The following PHACTR4 variants were observed in gnomAD, a reference collection of about 807,000 sequenced individuals.
The protein encoded by PHACTR4 is protein phosphatase 1, regulatory subunit 124.
PHACTR4 carries 51 observed loss-of-function variants against 72.7 expected under a neutral mutation model. The observed-to-expected ratio is 0.70, with a 90% CI of 0.56 to 0.89. PHACTR4 has a LOEUF of 0.89. Among genes scored for constraint, PHACTR4 ranks in the 40% least tolerant of loss-of-function variants. The pLI, the probability that PHACTR4 is intolerant of heterozygous loss-of-function variation, is 0.00. For synonymous variants in PHACTR4, 255 were observed against 302.5 expected (o/e 0.84, Z 1.63); for missense variants, 731 against 861.8 (o/e 0.85, Z 1.90).
At chr1:28,403,062 T>C (rs1457025662) in intron 1 of PHACTR4, among the ~76,000 whole-genome samples, 1 of 152,238 alleles carries the variant, frequency 6.6e-6, no homozygotes, top group African/African-American at 2.4e-5. Context: ...AGGTATCAGA[T>C]GGCTGGCAAA....
chr1:28,455,198 CT>C lies in PHACTR4; in HGVS notation c.17-3867del, dbSNP rs139479738. Among the ~76,000 whole-genome samples the C allele has an allele frequency of 1.9e-3, 161 of 85,960 alleles. 2 individuals are homozygous for C. The East Asian group carries it at 0.032, about 17-fold the overall frequency. The allele number at this position is 85,960 out of a possible 152,430, so 56.4% of individuals were successfully genotyped here. A position where few individuals can be genotyped will look rare whatever the true frequency, so the allele number is the denominator to read the frequency against. ...TTTTTCTTTTTCTTTTTCTTTCTTT[CT>C]TTTTTTTTTTTTTTTTTTTGAGACA... On this transcript the variant is annotated intron_variant, in intron 2 of 13. Coordinates refer to ENST00000373839, the MANE Select transcript of PHACTR4 (RefSeq NM_001048183.3).
intron 1 of PHACTR4, among the ~76,000 whole-genome samples, chr1:28,403,797 C>T (rs971047800): frequency 1.3e-5 from 2 of 152,150 alleles, no homozygotes; most frequent in Non-Finnish European, 2.9e-5. Context: ...ATAGACTTAC[C>T]TATTATGGAC....
chr1:28,393,241 C>A (rs915358259), intron 1 of PHACTR4, among the ~76,000 whole-genome samples: 2 of 152,126 alleles, frequency 1.3e-5, no homozygotes, highest in Non-Finnish European at 2.9e-5. Flanking sequence ...ACATACTTTA[C>A]CTTCTTAAAT....
chr1:28,468,166 C>T (rs567833076), intron 6 of PHACTR4, among the ~76,000 whole-genome samples: 1 of 152,300 alleles, frequency 6.6e-6, no homozygotes, highest in African/African-American at 2.4e-5. Flanking sequence ...TGGATAGTGT[C>T]ATGTTGACTT....
At chr1:28,432,765 C>G (rs1166296017) in intron 2 of PHACTR4, among the ~76,000 whole-genome samples, 1 of 152,042 alleles carries the variant, frequency 6.6e-6, no homozygotes, top group Non-Finnish European at 1.5e-5. Context: ...TTTTTTGAGA[C>G]AGGGTCTCAC....
intron 2 of PHACTR4, among the ~76,000 whole-genome samples, chr1:28,457,605 A>AAAT (rs924274491): frequency 1.2e-3 from 177 of 151,510 alleles, no homozygotes; most frequent in Middle Eastern, 6.8e-3. Context: ...CCTGTTTCTA[A>AAAT]AATAATAATA....
At chr1:28,416,844 T>C (rs1412655440) in intron 2 of PHACTR4, among the ~76,000 whole-genome samples, 1 of 152,212 alleles carries the variant, frequency 6.6e-6, no homozygotes. Flanking sequence ...ATTTTCTCTT[T>C]TATAGTTCAT....
chr1:28,495,536 A>G (rs766784276), intron 13 of PHACTR4, among the ~76,000 whole-genome samples: 10 of 152,208 alleles, frequency 6.6e-5, no homozygotes, highest in Non-Finnish European at 1.3e-4. Flanking sequence ...CCTAGAATCC[A>G]GAAAGAAAGC....
intron 7 of PHACTR4, 99 bp downstream of exon 7, chr1:28,474,250 T>G: frequency 3.6e-6 from 4 of 1,121,582 alleles, no homozygotes; most frequent in Non-Finnish European, 5.1e-6. Flanking sequence ...CCGGGCCTAG[T>G]GGCCCACACC....
intron 1 of PHACTR4, among the ~76,000 whole-genome samples, chr1:28,402,835 A>C (rs1654039420): frequency 6.6e-6 from 1 of 152,222 alleles, no homozygotes; most frequent in Non-Finnish European, 1.5e-5. Flanking sequence ...TATTTTGTTA[A>C]TGGAAACTTT....
chr1:28,426,439 A>G (rs1314455285), intron 2 of PHACTR4, among the ~76,000 whole-genome samples: 6 of 152,030 alleles, frequency 3.9e-5, no homozygotes, highest in Non-Finnish European at 8.8e-5. Flanking sequence ...CGGGTGGATC[A>G]CGAGGTCAGG....
At chr1:28,434,067 T>G (rs1486256950) in intron 2 of PHACTR4, among the ~76,000 whole-genome samples, 1 of 152,146 alleles carries the variant, frequency 6.6e-6, no homozygotes, top group Non-Finnish European at 1.5e-5. Context: ...CGTGAGCCAC[T>G]GCACCTGTCT....
chr1:28,485,388 A>G (rs937729820), intron 9 of PHACTR4, among the ~76,000 whole-genome samples: 16 of 152,118 alleles, frequency 1.1e-4, no homozygotes, highest in African/African-American at 3.4e-4. Context: ...GGAGGTCAAG[A>G]CCAGCCTGGC....
chr1:28,384,567 GT>G (rs1049093302), intron 1 of PHACTR4, among the ~76,000 whole-genome samples: 2 of 151,884 alleles, frequency 1.3e-5, no homozygotes, highest in African/African-American at 4.8e-5. Flanking sequence ...GTCTTTATTA[GT>G]CTAGCTAGCA....
At chr1:28,388,406 T>A (rs1338309318) in intron 1 of PHACTR4, among the ~76,000 whole-genome samples, 1 of 152,090 alleles carries the variant, frequency 6.6e-6, no homozygotes, top group Non-Finnish European at 1.5e-5. Context: ...CAGAAATAAG[T>A]CCACGTAGGT....
intron 9 of PHACTR4, among the ~76,000 whole-genome samples, chr1:28,485,775 T>A (rs1660604497): frequency 6.6e-6 from 1 of 151,510 alleles, no homozygotes; most frequent in Admixed American, 6.6e-5. Flanking sequence ...GGCGCATGCC[T>A]GTAATCCCAG....
chr1:28,392,833 A>G (rs1365452616), intron 1 of PHACTR4, among the ~76,000 whole-genome samples: 3 of 152,042 alleles, frequency 2.0e-5, no homozygotes, highest in Non-Finnish European at 4.4e-5. Flanking sequence ...TGCATATTGT[A>G]TTTGAAAGAA....
At chr1:28,473,263 G>A (rs1335068273) in intron 6 of PHACTR4, among the ~76,000 whole-genome samples, 1 of 138,966 alleles carries the variant, frequency 7.2e-6, no homozygotes. Context: ...GCGAGAGAGT[G>A]AGACCCTGTC....
intron 2 of PHACTR4, among the ~76,000 whole-genome samples, chr1:28,441,482 C>T (rs1371363146): frequency 1.3e-5 from 2 of 152,150 alleles, no homozygotes; most frequent in African/African-American, 2.4e-5. Context: ...ATAACCTTTG[C>T]ATGAGGATTC....
Sources: allele counts gnomAD v4.1 joint callset (sites outside exome capture counted in the v4.1 genomes callset), GRCh38; gene constraint gnomAD v4.1.1; transcripts MANE v1.5; gene names NCBI Gene and HGNC (gene_info 2026-07-23, HGNC 2026-07-21).